NALCN: variants seen among roughly 807,000 people sequenced by gnomAD.
The protein encoded by NALCN is sodium leak channel NALCN.
A neutral mutation model predicts 225.3 loss-of-function variants in NALCN; 111 were observed. That is an observed-to-expected ratio of 0.49 (90% CI 0.42 to 0.58). The LOEUF (loss-of-function observed/expected upper bound fraction) is 0.58. Ranked by LOEUF, NALCN falls within the 20% of genes least tolerant of loss-of-function variation. The pLI is 0.00. For missense variants in NALCN, 1,378 were observed against 2,202.4 expected (o/e 0.63, Z 7.49); for synonymous variants, 764 against 769.0 (o/e 0.99, Z 0.11).
chr13:101,282,304 C>T (rs990350094), intron 10 of NALCN, among the ~76,000 whole-genome samples: 3 of 152,022 alleles, frequency 2.0e-5, no homozygotes, highest in Non-Finnish European at 4.4e-5. Context: ...TATAGACATA[C>T]AATGAAATAT....
At chr13:101,193,099 CTTCT>C (rs1399063717) in intron 13 of NALCN, among the ~76,000 whole-genome samples, 2 of 110,662 alleles carry the variant, frequency 1.8e-5, no homozygotes, top group East Asian at 5.3e-4. Flanking sequence ...CATCTGATTC[CTTCT>C]TTTTTTTTTT....
chr13:101,246,154 C>T (rs1452675398), intron 11 of NALCN, among the ~76,000 whole-genome samples: 1 of 152,120 alleles, frequency 6.6e-6, no homozygotes, highest in East Asian at 1.9e-4. Context: ...CGTCAAGAAC[C>T]TGGACAACTT....
chr13:101,239,088 C>A (rs1211383185), intron 11 of NALCN, among the ~76,000 whole-genome samples: 1 of 151,838 alleles, frequency 6.6e-6, no homozygotes, highest in Non-Finnish European at 1.5e-5. Context: ...TGGATGAACT[C>A]CTTTGCCCAC....
intron 39 of NALCN, among the ~76,000 whole-genome samples, chr13:101,065,993 G>A (rs1182558494): frequency 1.3e-5 from 2 of 152,088 alleles, no homozygotes; most frequent in South Asian, 2.1e-4. Context: ...TCACTCAATC[G>A]GGATGCTAGG....
intron 10 of NALCN, among the ~76,000 whole-genome samples, chr13:101,271,965 T>C (rs2042798894): frequency 6.6e-6 from 1 of 150,818 alleles, no homozygotes; most frequent in South Asian, 2.1e-4. Context: ...CATGTGCGTG[T>C]AGATATGTGT....
In NALCN at chr13:101,399,151, G is replaced by A; in HGVS notation, c.-25C>T. The A allele has an allele frequency of 1.2e-6, 2 of 1,611,864 alleles. No homozygotes were observed. Among genetic ancestry groups the A allele is most frequent in the Non-Finnish European group, 1.7e-6 (2 of 1,178,660 alleles). ...TGCTGAGGTTAGCTTTGGTGAGCAA[G>A]CACAAAACCACAGTCTGGGAAAAGG... On this transcript the variant is annotated 5_prime_UTR_variant, in exon 2 of 44. Coordinates refer to ENST00000251127, the MANE Select transcript of NALCN (RefSeq NM_052867.4).
At chr13:101,138,968 T>C (rs2036935118) in intron 17 of NALCN, among the ~76,000 whole-genome samples, 1 of 152,078 alleles carries the variant, frequency 6.6e-6, no homozygotes, top group African/African-American at 2.4e-5. Context: ...GAACGGTAGG[T>C]AGCAGGATAA....
At chr13:101,240,332 T>C (rs894268917) in intron 11 of NALCN, among the ~76,000 whole-genome samples, 5 of 151,862 alleles carry the variant, frequency 3.3e-5, no homozygotes, top group African/African-American at 9.7e-5. Context: ...AAATATCCTA[T>C]CTTTCTTTCT....
intron 14 of NALCN, 69 bp from the exon 15 acceptor site, chr13:101,176,443 A>ATTT: frequency 5.6e-5 from 63 of 1,124,826 alleles, no homozygotes; most frequent in Non-Finnish European, 7.2e-5. Flanking sequence ...TATGTATAAT[A>ATTT]TAGCTACCTA....
intron 7 of NALCN, among the ~76,000 whole-genome samples, chr13:101,322,874 G>A (rs1213463594): frequency 6.6e-6 from 1 of 151,788 alleles, no homozygotes; most frequent in Non-Finnish European, 1.5e-5. Context: ...CACCATGCCT[G>A]GCTAATTTTG....
chr13:101,396,072 C>G (rs2047283558), intron 2 of NALCN, among the ~76,000 whole-genome samples: 1 of 151,948 alleles, frequency 6.6e-6, no homozygotes, highest in African/African-American at 2.4e-5. Flanking sequence ...ACAAATTTAG[C>G]CCAGACATCT....
Position 101,122,040 on chromosome 13 carries a change from A to G in NALCN, c.2192+2568T>C, listed in dbSNP as rs564216699. On this transcript the variant is annotated intron_variant, in intron 18 of 43. Transcript: ENST00000251127. ...GTTCCTTGAAAAACAGTATAAAACA[A>G]TACAAACACTCATTGACATGGACCC... Among the ~76,000 whole-genome samples the G allele has an allele frequency of 4.0e-4, 61 of 152,122 alleles. 1 individual carries two copies. The South Asian group carries it at 0.013, about 32-fold the overall frequency.
chr13:101,252,685 A>C (rs992191852), intron 11 of NALCN, among the ~76,000 whole-genome samples: 1 of 152,146 alleles, frequency 6.6e-6, no homozygotes, highest in Non-Finnish European at 1.5e-5. Flanking sequence ...TCATTGGAAA[A>C]CATGACTGTC....
intron 43 of NALCN, chr13:101,057,637 G>A (rs899622920): frequency 3.9e-5 from 15 of 380,840 alleles, no homozygotes; most frequent in African/African-American, 3.2e-4. Flanking sequence ...ATGCCTTGAG[G>A]CACACAGAAA....
intron 12 of NALCN, among the ~76,000 whole-genome samples, chr13:101,229,830 C>G (rs7326909): frequency 1.3e-5 from 2 of 151,882 alleles, no homozygotes; most frequent in Non-Finnish European, 2.9e-5. Context: ...TTCACTAGTA[C>G]GTATTGTTGA....
chr13:101,134,961 G>A (rs1030329599), intron 17 of NALCN, among the ~76,000 whole-genome samples: 6 of 152,192 alleles, frequency 3.9e-5, no homozygotes, highest in Middle Eastern at 3.2e-3. Flanking sequence ...TTGGGAGGCC[G>A]AGGCGGGTGG....
At chr13:101,359,223 T>C (rs1041502849) in intron 6 of NALCN, among the ~76,000 whole-genome samples, 2 of 151,782 alleles carry the variant, frequency 1.3e-5, no homozygotes, top group Admixed American at 1.3e-4. Flanking sequence ...AGTGAATAAA[T>C]GGATACAAAG....
chr13:101,279,438 AAAG>A (rs1376707159), intron 10 of NALCN, among the ~76,000 whole-genome samples: 2 of 152,272 alleles, frequency 1.3e-5, no homozygotes, highest in Admixed American at 6.5e-5. Context: ...GGATACATTG[AAAG>A]AAGATTTCAA....
chr13:101,354,324 C>A (rs1467697257), intron 6 of NALCN, among the ~76,000 whole-genome samples: 1 of 152,182 alleles, frequency 6.6e-6, no homozygotes, highest in African/African-American at 2.4e-5. Flanking sequence ...GCCTGGGCAA[C>A]AGAGTGAGAT....
Sources: gnomAD v4.1 joint callset for allele counts (sites outside exome capture counted in the v4.1 genomes callset) on GRCh38, gnomAD v4.1.1 for gene constraint, MANE v1.5 for transcripts, NCBI Gene and HGNC (gene_info 2026-07-23, HGNC 2026-07-21) for gene names.